NRG1: variants seen among roughly 807,000 people sequenced by gnomAD.
NRG1 encodes the protein pro-neuregulin-1, membrane-bound isoform.
NRG1 carries 18 observed loss-of-function variants against 63.8 expected under a neutral mutation model. That is an observed-to-expected ratio of 0.28 (90% CI 0.19 to 0.42). The LOEUF is 0.42. Ranked by LOEUF, NRG1 falls within the 10% of genes least tolerant of loss-of-function variation. NRG1 has a pLI of 1.00. For synonymous variants in NRG1, 302 were observed against 301.3 expected (o/e 1.00, Z -0.02); for missense variants, 762 against 814.7 (o/e 0.94, Z 0.79).
At chr8:32,429,702 A>G (rs1012593533) in intron 1 of NRG1, among the ~76,000 whole-genome samples, 1 of 152,154 alleles carries the variant, frequency 6.6e-6, no homozygotes, top group Non-Finnish European at 1.5e-5. Context: ...CAATAAAAGA[A>G]GTTATCGCAA....
At chr8:31,678,088 G>T (rs1585602072) in intron 1 of NRG1, among the ~76,000 whole-genome samples, 1 of 149,970 alleles carries the variant, frequency 6.7e-6, no homozygotes. Context: ...CTTTTAACTT[G>T]TTATTTATTT....
chr8:32,297,962 A>G (rs1220533217), intron 1 of NRG1, among the ~76,000 whole-genome samples: 1 of 152,242 alleles, frequency 6.6e-6, no homozygotes, highest in Non-Finnish European at 1.5e-5. Context: ...CTAGAAGCGA[A>G]CTAATTCATG....
At chr8:31,898,889 A>C (rs1831829350) in intron 1 of NRG1, among the ~76,000 whole-genome samples, 1 of 151,902 alleles carries the variant, frequency 6.6e-6, no homozygotes, top group South Asian at 2.1e-4. Context: ...TCAATTCCTA[A>C]ATTACTCCCA....
intron 1 of NRG1, among the ~76,000 whole-genome samples, chr8:31,740,737 A>G (rs1815182924): frequency 6.6e-6 from 1 of 151,968 alleles, no homozygotes; most frequent in South Asian, 2.1e-4. Flanking sequence ...TAACAAATAC[A>G]AGAGGAAGAG....
At chr8:32,047,794 C>CT (rs56938669) in intron 1 of NRG1, among the ~76,000 whole-genome samples, 4,034 of 148,366 alleles carry the variant, frequency 0.027, 181 homozygotes, top group African/African-American at 0.091. Context: ...TACATTTACT[C>CT]TTTTTTTTTT....
chr8:32,218,018 T>G (rs1279152080), intron 1 of NRG1, among the ~76,000 whole-genome samples: 1 of 152,248 alleles, frequency 6.6e-6, no homozygotes, highest in Non-Finnish European at 1.5e-5. Flanking sequence ...CAGTCTTTCC[T>G]GTATACCTTA....
rs140749664 is a variant in NRG1 at position 31,848,829 on chromosome 8, T to C, written c.37+209398T>C. ...AAAACAAGCTCAGGGCTCCCACTGA[T>C]TCTACATTACGGTGAGTTGTACAAT... On this transcript the variant is annotated intron_variant, in intron 1 of 10. Transcript: ENST00000519301. 4.4e-3 allele frequency among the ~76,000 whole-genome samples: 673 copies of C among 152,262 alleles called. 7 individuals carry two copies. Among genetic ancestry groups the C allele is most frequent in the African/African-American group, 0.015 (639 of 41,532 alleles).
At chr8:32,679,625 T>C (rs1268275834) in intron 5 of NRG1, among the ~76,000 whole-genome samples, 1 of 152,198 alleles carries the variant, frequency 6.6e-6, no homozygotes, top group Non-Finnish European at 1.5e-5. Context: ...TATTTGAGTG[T>C]TTAGGCATTT....
At chr8:31,802,272 T>G (rs1821863883) in intron 1 of NRG1, among the ~76,000 whole-genome samples, 1 of 152,208 alleles carries the variant, frequency 6.6e-6, no homozygotes, top group Non-Finnish European at 1.5e-5. Flanking sequence ...TGCTTTCCTT[T>G]TTCTGACTTT....
At chr8:32,220,101 T>A (rs1253603801) in intron 1 of NRG1, among the ~76,000 whole-genome samples, 1 of 152,166 alleles carries the variant, frequency 6.6e-6, no homozygotes, top group African/African-American at 2.4e-5. Flanking sequence ...TGCTCTTAAA[T>A]GCATCAGCCC....
intron 1 of NRG1, among the ~76,000 whole-genome samples, chr8:32,006,534 G>C (rs559796534): frequency 1.3e-5 from 2 of 152,098 alleles, no homozygotes; most frequent in East Asian, 1.9e-4. Context: ...GAAATTTCTC[G>C]TGCTAGTGAC....
At chr8:32,213,911 A>T (rs1225430007) in intron 1 of NRG1, among the ~76,000 whole-genome samples, 1 of 152,196 alleles carries the variant, frequency 6.6e-6, no homozygotes, top group Non-Finnish European at 1.5e-5. Context: ...GAATCTCAGC[A>T]AAGGAACAAT....
intron 1 of NRG1, among the ~76,000 whole-genome samples, chr8:32,471,041 A>G (rs1180264823): frequency 3.9e-5 from 6 of 152,200 alleles, no homozygotes; most frequent in South Asian, 2.1e-4. Flanking sequence ...GGCGCAAGCA[A>G]TCCTCCCACC....
chr8:31,700,491 CTGTT>C (rs993835100), intron 1 of NRG1, among the ~76,000 whole-genome samples: 3 of 152,158 alleles, frequency 2.0e-5, no homozygotes, highest in African/African-American at 4.8e-5. Context: ...TGCTGAACAG[CTGTT>C]TGTTTGGCTT....
At chr8:32,702,728 T>C (rs972809714) in intron 5 of NRG1, among the ~76,000 whole-genome samples, 3 of 152,144 alleles carry the variant, frequency 2.0e-5, no homozygotes, top group African/African-American at 7.2e-5. Context: ...CTGATCTGCC[T>C]TCCTCGGCCT....
intron 1 of NRG1, among the ~76,000 whole-genome samples, chr8:32,018,720 T>A (rs1313512017): frequency 6.6e-6 from 1 of 152,206 alleles, no homozygotes; most frequent in Non-Finnish European, 1.5e-5. Flanking sequence ...ATAAAGTTGA[T>A]ATAAGCATTC....
chr8:31,853,477 G>T (rs1358309953), intron 1 of NRG1, among the ~76,000 whole-genome samples: 3 of 149,524 alleles, frequency 2.0e-5, no homozygotes, highest in Admixed American at 6.7e-5. Flanking sequence ...CTGAGACTTT[G>T]CTGAAGTTGC....
intron 1 of NRG1, among the ~76,000 whole-genome samples, chr8:31,952,906 T>C (rs406422): frequency 0.9 from 136,945 of 152,306 alleles, 62,362 homozygotes; most frequent in African/African-American, 0.97. Flanking sequence ...TCACTGTCTC[T>C]TTGAATGAAA....
At chr8:32,760,359 T>G in exon 11 of NRG1, 1 of 1,613,974 alleles carries the variant, frequency 6.2e-7, no homozygotes, top group Non-Finnish European at 8.5e-7. Context: ...TCCTCAGGCA[T>G]GCCAGAGAAA....
Sources: allele counts gnomAD v4.1 joint callset (sites outside exome capture counted in the v4.1 genomes callset), GRCh38; gene constraint gnomAD v4.1.1; transcripts MANE v1.5; gene names NCBI Gene and HGNC (gene_info 2026-07-23, HGNC 2026-07-21).